PTH1R: variants seen among roughly 807,000 people sequenced by gnomAD.
PTH1R encodes parathyroid hormone 1 receptor, also known as parathyroid hormone/parathyroid hormone-related peptide receptor.
In PTH1R, 32 loss-of-function variants were observed where a neutral mutation model predicts 70.7. The observed-to-expected ratio is 0.45, with a 90% CI of 0.34 to 0.61. PTH1R has a LOEUF of 0.61. PTH1R is among the 20% of genes least tolerant of loss of function. PTH1R has a pLI of 0.01. For missense variants in PTH1R, 626 were observed against 792.5 expected, an observed-to-expected ratio of 0.79 and a Z score of 2.52; for synonymous variants, 329 against 324.8, an observed-to-expected ratio of 1.01 and a Z score of -0.14.
In PTH1R at chr3:46,901,603, C is replaced by T. The variant is rs1318398917; in HGVS notation, c.1116+123C>T. On this transcript the variant is annotated intron_variant, in intron 12 of 15. Coordinates refer to ENST00000449590, the MANE Select transcript of PTH1R (RefSeq NM_000316.3). This position sits in a 1 kb window ranked among gnomAD's most constrained non-coding sequence, Gnocchi z 7.3. ...ACCCCAGTGTCAGAGCTACAGAGGC[C>T]GGAGGACCAGCTGATCCACACTCCA... 2.0e-5 allele frequency: 28 copies of T among 1,371,486 alleles called. No homozygotes were observed. The highest frequency in any genetic ancestry group is 1.7e-4 in the South Asian group (13 of 77,982). 85.0% of individuals were successfully genotyped at this position (1,371,486 alleles called of 1,614,324 possible). A position where few individuals can be genotyped will look rare whatever the true frequency, so the allele number is the denominator to read the frequency against.
Position 46,901,603 on chromosome 3 carries a change from C to A in PTH1R, c.1116+123C>A. On this transcript the variant is annotated intron_variant, in intron 12 of 15. Transcript: ENST00000449590. This position sits in a 1 kb window ranked among gnomAD's most constrained non-coding sequence, Gnocchi z 7.3. ...ACCCCAGTGTCAGAGCTACAGAGGCCGGAGGACCAGCTGATCCACACTCCA... is the reference window on the plus strand; with the variant it reads ...ACCCCAGTGTCAGAGCTACAGAGGCAGGAGGACCAGCTGATCCACACTCCA... 1 of 1,371,602 alleles carries A rather than the reference C, an allele frequency of 7.3e-7. No individual in the cohort carries two copies. Among genetic ancestry groups the A allele is most frequent in the Admixed American group, 2.0e-5 (1 of 50,000 alleles). The allele number at this position is 1,371,602 out of a possible 1,614,324, so 85.0% of individuals were successfully genotyped here.
chr3:46,902,450 C>T lies in PTH1R; in HGVS notation c.1212-76C>T. 7.6e-6 allele frequency: 12 copies of T among 1,575,730 alleles called. No homozygotes were observed. Among genetic ancestry groups the T allele is most frequent in the African/African-American group, 2.7e-5 (2 of 74,062 alleles). On this transcript the variant is annotated intron_variant, in intron 13 of 15. Transcript: ENST00000449590. The surrounding 1 kb of genome is among the most constrained non-coding windows in gnomAD (Gnocchi z 5.4). ...CTTTGAGCTTCCGGAGCCTGGGGCTCGCAGGGTGGGGGGTGGCACAATGCT... is the reference window on the plus strand; with the variant it reads ...CTTTGAGCTTCCGGAGCCTGGGGCTTGCAGGGTGGGGGGTGGCACAATGCT...
intron 3 of PTH1R, among the ~76,000 whole-genome samples, chr3:46,890,898 G>A (rs1040554212): frequency 2.2e-4 from 34 of 152,278 alleles, no homozygotes; most frequent in South Asian, 2.1e-4. Flanking sequence ...GTGGAGGTGG[G>A]ATTCACATTG....
intron 4 of PTH1R, 115 bp from the exon 5 acceptor site, chr3:46,895,620 C>T (rs2031704123): frequency 6.5e-7 from 1 of 1,531,536 alleles, no homozygotes; most frequent in East Asian, 2.3e-5. Flanking sequence ...TAGGTGTCAC[C>T]AGGGCAGGAG....
In PTH1R at chr3:46,892,472, C is replaced by T. The variant is rs757144277; in HGVS notation, c.76-1435C>T. Among the ~76,000 whole-genome samples, 1 of 152,184 alleles carries T rather than the reference C, an allele frequency of 6.6e-6. No homozygotes were observed. The highest frequency in any genetic ancestry group is 1.5e-5 in the Non-Finnish European group (1 of 68,030). ...GGCCACTCGAGAATGCGCTGCCACT[C>T]GCGCGCGCACGCACAGGGACGCGCA... On this transcript the variant is annotated intron_variant, in intron 3 of 15. Coordinates refer to ENST00000449590, the MANE Select transcript of PTH1R (RefSeq NM_000316.3). The surrounding 1 kb of genome is among the most constrained non-coding windows in gnomAD (Gnocchi z 5.2).
chr3:46,899,527 C>CT lies in PTH1R; in HGVS notation c.988+72dup, dbSNP rs1487713671. 8.3e-6 allele frequency: 13 copies of CT among 1,560,440 alleles called. No individual in the cohort carries two copies. The Admixed American group carries it at 2.3e-4, about 27-fold the overall frequency. On this transcript the variant is annotated intron_variant, in intron 10 of 15. Transcript: ENST00000449590. ...GTGGGTGACAGGGAGAGGGCAGCCCCTGGGGGGAGGCGCCCACACAGCACA... is the reference window on the plus strand; with the variant it reads ...GTGGGTGACAGGGAGAGGGCAGCCCCTTGGGGGGAGGCGCCCACACAGCACA...
Position 46,903,241 on chromosome 3 carries a change from C to G in PTH1R, c.1396-29C>G. On this transcript the variant is annotated intron_variant, in intron 15 of 15. Coordinates refer to ENST00000449590, the MANE Select transcript of PTH1R (RefSeq NM_000316.3). The surrounding 1 kb of genome is among the most constrained non-coding windows in gnomAD (Gnocchi z 4.4). ...GGCATCGCTGGGGTTGGGAGACACA[C>G]CTGACTGCCGCACCCTTACTGCCCC... 6.2e-7 allele frequency: 1 copy of G among 1,611,048 alleles called. No individual in the cohort carries two copies. Among genetic ancestry groups the G allele is most frequent in the Non-Finnish European group, 8.5e-7 (1 of 1,179,670 alleles).
In PTH1R at chr3:46,884,911, G is replaced by T. The variant is rs367974971; in HGVS notation, c.75+1277G>T. 4.5e-4 allele frequency among the ~76,000 whole-genome samples: 69 copies of T among 152,128 alleles called. 1 individual carries two copies. The highest frequency in any genetic ancestry group is 1.6e-3 in the African/African-American group (66 of 41,412). Reference sequence around the variant, plus strand: ...GGTCCTCAGCACTTCCCACTTACCTGTGCCTACACCCTCACAATTCTGGCC... The same window carrying T: ...GGTCCTCAGCACTTCCCACTTACCTTTGCCTACACCCTCACAATTCTGGCC... On this transcript the variant is annotated intron_variant, in intron 3 of 15. Transcript: ENST00000449590. This position sits in a 1 kb window ranked among gnomAD's most constrained non-coding sequence, Gnocchi z 4.8.
rs781607598 is a variant in PTH1R at position 46,894,024 on chromosome 3, A to T, written c.178+15A>T. 1.7e-5 allele frequency: 28 copies of T among 1,613,290 alleles called. No homozygotes were observed. The South Asian group carries it at 3.0e-4, about 17-fold the overall frequency. The stretch of plus-strand genomic sequence containing the variant: ...GCAGAGGCCAGGTGGGGGTCAAAGG[A>T]AGAGGGTCTGGGGATGAGGTCAGGT... On this transcript the variant is annotated intron_variant, in intron 4 of 15. Transcript: ENST00000449590.
At chr3:46,890,076 T>C (rs2031311541) in intron 3 of PTH1R, among the ~76,000 whole-genome samples, 1 of 152,194 alleles carries the variant, frequency 6.6e-6, no homozygotes, top group Non-Finnish European at 1.5e-5. Context: ...TTTTTCCTCC[T>C]AAGCTCAAGC....
rs1421046541 is a variant in PTH1R, at chr3:46,900,916, G to A, written c.989-109G>A. 4 of 1,226,982 alleles carry A rather than the reference G, an allele frequency of 3.3e-6. No homozygotes were observed. The African/African-American group carries it at 6.0e-5, about 18-fold the overall frequency. 76.0% of individuals were successfully genotyped at this position (1,226,982 alleles called of 1,614,324 possible). On this transcript the variant is annotated intron_variant, in intron 10 of 15. Transcript: ENST00000449590. Reference sequence around the variant, plus strand: ...CAAGTGGACCAAGTGCCCAGTGTCAGGGGTTCAGGGCAATGGTGGGGTAAG... The same window carrying A: ...CAAGTGGACCAAGTGCCCAGTGTCAAGGGTTCAGGGCAATGGTGGGGTAAG...
Position 46,902,787 on chromosome 3 carries a change from C to A in PTH1R, c.1392C>A (p.Gly464=), listed in dbSNP as rs141608415. ...CAATCATATACTGTTTCTGCAATGG[C>A]GAGGTAAGCAGGAGACAGTGTTGGC... The part of the protein sequence containing the change: ...FVAIIYCFCN[G]EVQAEIKKSW... Residue 464 remains glycine (G), a synonymous_variant, in exon 15 of 16, where the codon GGC becomes GGA. Coordinates refer to ENST00000449590, the MANE Select transcript of PTH1R (RefSeq NM_000316.3). The surrounding 1 kb of genome is among the most constrained non-coding windows in gnomAD (Gnocchi z 5.4). 3.7e-6 allele frequency: 6 copies of A among 1,613,642 alleles called. No homozygotes were observed. The highest frequency in any genetic ancestry group is 5.1e-6 in the Non-Finnish European group (6 of 1,179,994).
In PTH1R at chr3:46,901,004, T is replaced by C. The variant is rs763475960; in HGVS notation, c.989-21T>C. ...GGACAGCAGCCACAGTCCTGCACAC[T>C]GTCCCCCTCTGTGCCCACAGGTCTG... On this transcript the variant is annotated intron_variant, in intron 10 of 15. Transcript: ENST00000449590. This position sits in a 1 kb window ranked among gnomAD's most constrained non-coding sequence, Gnocchi z 7.3. 6 of 1,574,016 alleles carry C rather than the reference T, an allele frequency of 3.8e-6. No individual in the cohort carries two copies. In the South Asian group the frequency reaches 4.7e-5, roughly 12 times the overall value.
chr3:46,899,065 C>T (rs1405164532), intron 9 of PTH1R, among the ~76,000 whole-genome samples: 2 of 152,246 alleles, frequency 1.3e-5, no homozygotes, highest in Admixed American at 1.3e-4. Flanking sequence ...CCACACGCCC[C>T]GCGCTGCCAT....
At chr3:46,899,735 A>T (rs1277888161) in intron 10 of PTH1R, among the ~76,000 whole-genome samples, 1 of 152,196 alleles carries the variant, frequency 6.6e-6, no homozygotes, top group African/African-American at 2.4e-5. Flanking sequence ...GATTCAGCTC[A>T]GGATCAGAGT....
chr3:46,878,652 T>C (rs1332477783), intron 1 of PTH1R, among the ~76,000 whole-genome samples: 1 of 152,180 alleles, frequency 6.6e-6, no homozygotes, highest in African/African-American at 2.4e-5. Flanking sequence ...GCTGCATTGC[T>C]CAGACAGCTG....
chr3:46,899,797 T>A (rs2032005580), intron 10 of PTH1R, among the ~76,000 whole-genome samples: 1 of 152,090 alleles, frequency 6.6e-6, no homozygotes, highest in Non-Finnish European at 1.5e-5. Context: ...TCCGGGACCC[T>A]CCCTCTACCC....
chr3:46,881,668 G>C (rs967925509), intron 2 of PTH1R, among the ~76,000 whole-genome samples: 2 of 151,936 alleles, frequency 1.3e-5, no homozygotes, highest in Non-Finnish European at 2.9e-5. Flanking sequence ...GCCTAGGGCC[G>C]AGAGGAACGA....
At position 46,903,182 on chromosome 3, in the gene PTH1R, T is replaced by G; in HGVS notation, c.1396-88T>G. 1.9e-6 allele frequency: 3 copies of G among 1,571,486 alleles called. No individual in the cohort carries two copies. The highest frequency in any genetic ancestry group is 1.4e-5 in the African/African-American group (1 of 73,796). On this transcript the variant is annotated intron_variant, in intron 15 of 15. Coordinates refer to ENST00000449590, the MANE Select transcript of PTH1R (RefSeq NM_000316.3). The surrounding 1 kb of genome is among the most constrained non-coding windows in gnomAD (Gnocchi z 4.4). ...TCCCAGGAGTCCCCTATTCCCATTT[T>G]CATTCCGTGCTGGGTGTCCAGGGGC...
Sources: gnomAD v4.1 joint callset for allele counts (sites outside exome capture counted in the v4.1 genomes callset) on GRCh38, gnomAD v4.1.1 for gene constraint, Gnocchi (gnomAD v3.1) non-coding constraint, MANE v1.5 for transcripts, NCBI Gene and HGNC (gene_info 2026-07-23, HGNC 2026-07-21) for gene names.